Variants in GNAL observed in about 807,000 individuals in gnomAD.
GNAL encodes guanine nucleotide-binding protein G(olf) subunit alpha.
In GNAL, 18 loss-of-function variants were observed where a neutral mutation model predicts 55.1. The ratio of observed to expected loss-of-function variants is 0.33; its 90% CI spans 0.23 to 0.48. The LOEUF (loss-of-function observed/expected upper bound fraction) is 0.48. Ranked by LOEUF, GNAL falls within the 20% of genes least tolerant of loss-of-function variation. The pLI, the probability that GNAL is intolerant of heterozygous loss-of-function variation, is 0.99. For missense variants in GNAL, 412 were observed against 614.1 expected, an observed-to-expected ratio of 0.67 and a Z score of 3.48; for synonymous variants, 253 against 237.0, an observed-to-expected ratio of 1.07 and a Z score of -0.62.
rs773158871 is a variant in GNAL, at chr18:11,810,238, C to CA, written c.625-14673dup. Among the ~76,000 whole-genome samples, 5 of 152,190 alleles carry CA rather than the reference C, an allele frequency of 3.3e-5. No individual in the cohort carries two copies. In the South Asian group the frequency reaches 6.2e-4, roughly 19 times the overall value. Reference sequence around the variant, plus strand: ...CGAGAACCTGTCTCTACTAAAAATACAAAAAAATAGCCAGGCGTGGTGGTG... The same window carrying CA: ...CGAGAACCTGTCTCTACTAAAAATACAAAAAAAATAGCCAGGCGTGGTGGTG... On this transcript the variant is annotated intron_variant, in intron 4 of 11. Coordinates refer to ENST00000334049, the MANE Select transcript of GNAL (RefSeq NM_182978.4).
At chr18:11,694,965 G>A (rs1470126814) in intron 1 of GNAL, among the ~76,000 whole-genome samples, 1 of 152,006 alleles carries the variant, frequency 6.6e-6, no homozygotes, top group Non-Finnish European at 1.5e-5. Flanking sequence ...TTCTTACGAG[G>A]ACACTGCGGG....
rs966381820 is a variant in GNAL, at chr18:11,751,587, G to T, written c.377-1266G>T. The T allele has an allele frequency of 1.0e-6, 1 of 985,348 alleles. No individual in the cohort carries two copies. Among genetic ancestry groups the T allele is most frequent in the African/African-American group, 1.7e-5 (1 of 57,240 alleles). The allele number at this position is 985,348 out of a possible 1,614,324, so 61.0% of individuals were successfully genotyped here. A position where few individuals can be genotyped will look rare whatever the true frequency, so the allele number is the denominator to read the frequency against. Reference sequence around the variant, plus strand: ...GTCTTCGCCCGCCAGGAGCAGGGACGCGTCCGAGCCAACACGGGGCGCGCG... The same window carrying T: ...GTCTTCGCCCGCCAGGAGCAGGGACTCGTCCGAGCCAACACGGGGCGCGCG... On this transcript the variant is annotated intron_variant, in intron 1 of 11. Coordinates refer to ENST00000334049, the MANE Select transcript of GNAL (RefSeq NM_182978.4). The surrounding 1 kb of genome is among the most constrained non-coding windows in gnomAD (Gnocchi z 4.5).
rs552392008 is a variant in GNAL, at chr18:11,789,624, A to T, written c.625-35294A>T. Among the ~76,000 whole-genome samples the T allele has an allele frequency of 2.6e-5, 4 of 152,258 alleles. No homozygotes were observed. The South Asian group carries it at 6.2e-4, about 24-fold the overall frequency. ...TGTATAGATTATAAGCATAAACAAA[A>T]TGTACTTTAAGTGGATTGTTCTAAT... On this transcript the variant is annotated intron_variant, in intron 4 of 11. Coordinates refer to ENST00000334049, the MANE Select transcript of GNAL (RefSeq NM_182978.4).
At chr18:11,771,205 T>A in intron 4 of GNAL, among the ~76,000 whole-genome samples, 1 of 139,032 alleles carries the variant, frequency 7.2e-6, no homozygotes, top group Non-Finnish European at 1.5e-5. Flanking sequence ...GCAACAAGAG[T>A]GAAACTCTGT....
At chr18:11,845,375 C>T (rs1256704912) in intron 5 of GNAL, among the ~76,000 whole-genome samples, 3 of 151,688 alleles carry the variant, frequency 2.0e-5, no homozygotes, top group Non-Finnish European at 4.4e-5. Flanking sequence ...TCCCAGTAGT[C>T]AACCAGACAG....
chr18:11,756,121 C>T (rs988418197), intron 4 of GNAL, among the ~76,000 whole-genome samples: 1 of 152,136 alleles, frequency 6.6e-6, no homozygotes, highest in Non-Finnish European at 1.5e-5. Flanking sequence ...CTGTTCATAA[C>T]AGTCTCACGG....
chr18:11,880,130 G>A (rs1033467712), intron 11 of GNAL, among the ~76,000 whole-genome samples: 50 of 148,340 alleles, frequency 3.4e-4, no homozygotes, highest in African/African-American at 7.8e-4. Context: ...GGTGGCGCAC[G>A]CCTGTAATCC....
intron 1 of GNAL, among the ~76,000 whole-genome samples, chr18:11,741,479 C>T (rs866019964): frequency 3.9e-5 from 6 of 152,204 alleles, no homozygotes; most frequent in African/African-American, 1.2e-4. Flanking sequence ...TCTGTGCTCC[C>T]GCTGTAATCG....
chr18:11,751,145 A>G lies in GNAL; in HGVS notation c.377-1708A>G, dbSNP rs1222018333. The stretch of plus-strand genomic sequence containing the variant: ...GCCAAGCCCGAGACGGTCAACTGGG[A>G]GCCGCCACACACAAGGAACAGTGAT... On this transcript the variant is annotated intron_variant, in intron 1 of 11. Coordinates refer to ENST00000334049, the MANE Select transcript of GNAL (RefSeq NM_182978.4). This position sits in a 1 kb window ranked among gnomAD's most constrained non-coding sequence, Gnocchi z 4.5. Among the ~76,000 whole-genome samples the G allele has an allele frequency of 2.6e-5, 4 of 152,070 alleles. No homozygotes were observed. The highest frequency in any genetic ancestry group is 2.9e-5 in the Non-Finnish European group (2 of 68,008).
intron 5 of GNAL, among the ~76,000 whole-genome samples, chr18:11,829,526 A>T (rs9946370): frequency 0.24 from 37,148 of 152,108 alleles, 5,277 homozygotes; most frequent in African/African-American, 0.39. Flanking sequence ...CACCACCGTC[A>T]CTTCATAAAA....
At chr18:11,880,670 C>T (rs1024586126) in intron 11 of GNAL, among the ~76,000 whole-genome samples, 2 of 152,202 alleles carry the variant, frequency 1.3e-5, no homozygotes, top group Admixed American at 6.5e-5. Context: ...ATTGGCAGGG[C>T]AGATAGTGGA....
At chr18:11,845,454 A>G (rs1048085185) in intron 5 of GNAL, among the ~76,000 whole-genome samples, 2 of 152,036 alleles carry the variant, frequency 1.3e-5, no homozygotes, top group African/African-American at 4.8e-5. Context: ...AAAAAGTAGC[A>G]TAATAAAGAC....
chr18:11,799,645 A>G (rs2034471600), intron 4 of GNAL, among the ~76,000 whole-genome samples: 1 of 152,196 alleles, frequency 6.6e-6, no homozygotes, highest in Non-Finnish European at 1.5e-5. Context: ...TTCAAATTTC[A>G]GATTTCTGGA....
chr18:11,834,315 T>G (rs2035453400), intron 5 of GNAL, among the ~76,000 whole-genome samples: 1 of 152,206 alleles, frequency 6.6e-6, no homozygotes, highest in South Asian at 2.1e-4. Context: ...CATATGCAGA[T>G]GAGTTGTTGC....
chr18:11,807,829 G>A (rs1425179063), intron 4 of GNAL, among the ~76,000 whole-genome samples: 2 of 152,164 alleles, frequency 1.3e-5, no homozygotes, highest in African/African-American at 4.8e-5. Flanking sequence ...GGAGCCAGCA[G>A]TGAACCCTGA....
chr18:11,811,088 C>T (rs1251421575), intron 4 of GNAL, among the ~76,000 whole-genome samples: 2 of 152,170 alleles, frequency 1.3e-5, no homozygotes, highest in Admixed American at 1.3e-4. Context: ...GTGTTGCTCC[C>T]CTGCCCCACC....
intron 4 of GNAL, among the ~76,000 whole-genome samples, chr18:11,769,024 A>AAT (rs1409697658): frequency 2.0e-5 from 2 of 99,524 alleles, no homozygotes; most frequent in East Asian, 4.2e-4. Context: ...TCTATATTAT[A>AAT]ATATATTATA....
intron 4 of GNAL, among the ~76,000 whole-genome samples, chr18:11,806,935 G>A (rs2034678848): frequency 6.6e-6 from 1 of 152,044 alleles, no homozygotes; most frequent in East Asian, 1.9e-4. Flanking sequence ...CCACAGTGCT[G>A]GTATTACAGG....
chr18:11,720,392 T>C (rs565778261), intron 1 of GNAL, among the ~76,000 whole-genome samples: 3 of 152,346 alleles, frequency 2.0e-5, no homozygotes, highest in African/African-American at 7.2e-5. Context: ...AACATTTCAC[T>C]AAATTAATGT....
Sources: allele counts gnomAD v4.1 joint callset (sites outside exome capture counted in the v4.1 genomes callset), GRCh38; gene constraint gnomAD v4.1.1; non-coding constraint Gnocchi (gnomAD v3.1); transcripts MANE v1.5; gene names NCBI Gene and HGNC (gene_info 2026-07-23, HGNC 2026-07-21).